The following RYR3 variants were observed in gnomAD, a reference collection of about 807,000 sequenced individuals.
The protein encoded by RYR3 is ryanodine receptor 3, also known as brain ryanodine receptor-calcium release channel.
Under a neutral mutation model 584.3 loss-of-function variants are expected in RYR3, and 207 were observed. The ratio of observed to expected loss-of-function variants is 0.35; its 90% CI spans 0.32 to 0.40. The LOEUF is 0.40. RYR3 is among the 10% of genes least tolerant of loss of function. The probability of loss-of-function intolerance (pLI) is 1.00; values close to 1 mark genes in which losing one functional copy is unlikely to be tolerated. For missense variants in RYR3, 5,616 were observed against 6,089.2 expected, an observed-to-expected ratio of 0.92 and a Z score of 2.59; for synonymous variants, 2,416 against 2,248.5, an observed-to-expected ratio of 1.07 and a Z score of -2.11.
intron 85 of RYR3, among the ~76,000 whole-genome samples, chr15:33,829,100 AG>A (rs1393001143): frequency 6.6e-6 from 1 of 152,140 alleles, no homozygotes; most frequent in African/African-American, 2.4e-5. Flanking sequence ...GGAAAAACAA[AG>A]CTTGGATTGT....
chr15:33,619,744 G>T (rs893466311), intron 19 of RYR3, among the ~76,000 whole-genome samples: 3 of 152,122 alleles, frequency 2.0e-5, no homozygotes, highest in African/African-American at 7.2e-5. Context: ...CTCCACATTG[G>T]TCTGCCCCTC....
intron 66 of RYR3, 95 bp from the exon 67 acceptor site, chr15:33,788,123 G>A (rs774938972): frequency 3.3e-5 from 49 of 1,498,692 alleles, no homozygotes; most frequent in East Asian, 4.5e-5. Flanking sequence ...ATCCTGAGTC[G>A]ATGGGATTCC....
At chr15:33,679,205 C>T (rs1159843778) in intron 38 of RYR3, among the ~76,000 whole-genome samples, 2 of 113,958 alleles carry the variant, frequency 1.8e-5, no homozygotes, top group Admixed American at 2.7e-4. Context: ...GGTGTTATTG[C>T]ATCACCTGAC....
At chr15:33,861,833 C>T (rs1888342660) in intron 102 of RYR3, among the ~76,000 whole-genome samples, 1 of 152,048 alleles carries the variant, frequency 6.6e-6, no homozygotes, top group South Asian at 2.1e-4. Flanking sequence ...TTTTGTTGGC[C>T]AGGCTGGTCT....
rs1014954361 is a variant in RYR3 at position 33,634,486 on chromosome 15, G to A, written c.3028-100G>A. ...AGGGAAGGGCTAATAGACCTAGAGCGACCAGAAAGCCAGGACTGTTGCTGG... is the reference window on the plus strand; with the variant it reads ...AGGGAAGGGCTAATAGACCTAGAGCAACCAGAAAGCCAGGACTGTTGCTGG... On this transcript the variant is annotated intron_variant, in intron 24 of 103. Transcript: ENST00000634891. 53 of 1,225,922 alleles carry A rather than the reference G, an allele frequency of 4.3e-5. 3 individuals are homozygous for A. The highest frequency in any genetic ancestry group is 3.8e-4 in the South Asian group (29 of 75,418). The allele number at this position is 1,225,922 out of a possible 1,614,324, so 75.9% of individuals were successfully genotyped here. A position where few individuals can be genotyped will look rare whatever the true frequency, so the allele number is the denominator to read the frequency against.
chr15:33,479,281 C>A (rs1314499000), intron 2 of RYR3, among the ~76,000 whole-genome samples: 3 of 151,760 alleles, frequency 2.0e-5, no homozygotes, highest in Non-Finnish European at 4.4e-5. Flanking sequence ...TTACTGTTTC[C>A]TCCTAAAAAA....
intron 12 of RYR3, 72 bp from the exon 13 acceptor site, chr15:33,579,904 G>A: frequency 8.0e-7 from 1 of 1,253,850 alleles, no homozygotes; most frequent in Non-Finnish European, 1.1e-6. Context: ...GTTAGGAGTG[G>A]GACCCAGTGG....
intron 102 of RYR3, among the ~76,000 whole-genome samples, chr15:33,863,124 GTCTCTTTCCTA>G (rs1405512424): frequency 6.6e-6 from 1 of 152,068 alleles, no homozygotes; most frequent in East Asian, 1.9e-4. Flanking sequence ...TGTTACACTG[GTCTCTTTCCTA>G]TCTCTATCCC....
intron 1 of RYR3, among the ~76,000 whole-genome samples, chr15:33,467,983 A>G (rs1177633049): frequency 1.3e-5 from 2 of 152,176 alleles, no homozygotes; most frequent in Non-Finnish European, 2.9e-5. Context: ...CATGGGCTTT[A>G]GAATCAGACA....
chr15:33,636,684 A>T lies in RYR3; in HGVS notation c.3556+134A>T, dbSNP rs74005913. ...ATATTTGAAAACCCTAATGGTGAAG[A>T]CGATCCCATAGACTAGCAATTTCAA... On this transcript the variant is annotated intron_variant, in intron 27 of 103. Coordinates refer to ENST00000634891, the MANE Select transcript of RYR3 (RefSeq NM_001036.6). 5 of 730,990 alleles carry T rather than the reference A, an allele frequency of 6.8e-6. No individual in the cohort carries two copies. In the East Asian group the frequency reaches 1.4e-4, roughly 20 times the overall value. The allele number at this position is 730,990 out of a possible 1,614,324, so 45.3% of individuals were successfully genotyped here. A position where few individuals can be genotyped will look rare whatever the true frequency, so the allele number is the denominator to read the frequency against.
intron 98 of RYR3, 97 bp from the exon 99 acceptor site, chr15:33,857,683 C>A: frequency 2.0e-6 from 3 of 1,490,376 alleles, no homozygotes; most frequent in South Asian, 1.3e-5. Context: ...CCTTGCCCGT[C>A]CTCACTCTTC....
At chr15:33,636,301 A>C in intron 26 of RYR3, 75 bp from the exon 27 acceptor site, 1 of 1,285,556 alleles carries the variant, frequency 7.8e-7, no homozygotes. Context: ...GAGATATCGA[A>C]GATATGGTCA....
chr15:33,855,702 TATACACATA>T (rs764926931), intron 98 of RYR3, among the ~76,000 whole-genome samples: 77 of 152,302 alleles, frequency 5.1e-4, no homozygotes, highest in Admixed American at 8.5e-4. Context: ...ATATGGTTGT[TATACACATA>T]GTACACATTT....
intron 2 of RYR3, among the ~76,000 whole-genome samples, chr15:33,481,032 T>C (rs866341701): frequency 7.2e-5 from 11 of 152,212 alleles, no homozygotes; most frequent in Non-Finnish European, 8.8e-5. Flanking sequence ...AGAATTTTTG[T>C]TTTTCATGAT....
chr15:33,783,916 G>C (rs576846880), intron 65 of RYR3, among the ~76,000 whole-genome samples: 2 of 98,354 alleles, frequency 2.0e-5, no homozygotes, highest in South Asian at 1.2e-3. Context: ...CAAGAGTTCA[G>C]GGTTCTTTGG....
chr15:33,360,575 T>C (rs1449010249), intron 1 of RYR3, among the ~76,000 whole-genome samples: 1 of 152,256 alleles, frequency 6.6e-6, no homozygotes, highest in Non-Finnish European at 1.5e-5. Flanking sequence ...ATAAAGCTGT[T>C]CTGAATGTTT....
intron 34 of RYR3, among the ~76,000 whole-genome samples, chr15:33,661,847 A>G (rs2063184610): frequency 6.6e-6 from 1 of 152,214 alleles, no homozygotes; most frequent in South Asian, 2.1e-4. Context: ...CGACCAAGTC[A>G]TCACTCTCAT....
intron 1 of RYR3, among the ~76,000 whole-genome samples, chr15:33,383,431 C>T (rs185446574): frequency 7.3e-5 from 11 of 151,616 alleles, no homozygotes; most frequent in East Asian, 1.9e-4. Context: ...TGGCATCTTC[C>T]GGAAATTGCC....
chr15:33,320,541 G>C (rs1448141124), intron 1 of RYR3, among the ~76,000 whole-genome samples: 2 of 152,152 alleles, frequency 1.3e-5, no homozygotes, highest in African/African-American at 4.8e-5. Context: ...CTTACTTTGA[G>C]GTAGCAAGGA....
Sources: gnomAD v4.1 joint callset for allele counts (sites outside exome capture counted in the v4.1 genomes callset) on GRCh38, gnomAD v4.1.1 for gene constraint, MANE v1.5 for transcripts, NCBI Gene and HGNC (gene_info 2026-07-23, HGNC 2026-07-21) for gene names.